The following PLA2R1 variants were observed in gnomAD, a reference collection of about 807,000 sequenced individuals.
PLA2R1 encodes phospholipase A2 receptor 1, also known as secretory phospholipase A2 receptor.
PLA2R1 carries 158 observed loss-of-function variants against 195.9 expected under a neutral mutation model. The observed-to-expected ratio is 0.81, with a 90% CI of 0.71 to 0.92. The LOEUF is 0.92. Among genes scored for constraint, PLA2R1 ranks in the 40% least tolerant of loss-of-function variants. The pLI is 0.00. For missense variants in PLA2R1, 1,626 were observed against 1,764.6 expected (o/e 0.92, Z 1.41); for synonymous variants, 586 against 598.2 (o/e 0.98, Z 0.30).
chr2:160,004,783 T>G (rs1178671769), intron 11 of PLA2R1, among the ~76,000 whole-genome samples: 1 of 152,112 alleles, frequency 6.6e-6, no homozygotes. Context: ...CTGGTTCTAG[T>G]GTAGGCTGTG....
intron 25 of PLA2R1, among the ~76,000 whole-genome samples, chr2:159,949,071 C>T (rs10929959): frequency 0.83 from 126,888 of 152,176 alleles, 57,224 homozygotes; most frequent in East Asian, 1. Context: ...AATATCACCA[C>T]CATCATTATT....
intron 25 of PLA2R1, 26 bp from the exon 26 acceptor site, chr2:159,947,585 T>G: frequency 7.5e-6 from 12 of 1,610,272 alleles, no homozygotes; most frequent in Non-Finnish European, 1.0e-5. Flanking sequence ...AGTTATGATT[T>G]CAGGGTGGTG....
rs752426024 is a variant in PLA2R1, at chr2:160,005,787, T to G, written c.1699A>C (p.Ser567Arg). Residue 567 changes from serine (S) to arginine (R), a missense_variant, in exon 11 of 30, where the codon AGT (serine) becomes CGT (arginine). Transcript: ENST00000283243. ...EQAFITSLIS[S>R]VVKMKDSYFW... Reference sequence around the variant, plus strand: ...TAACTGTCCTTCATTTTTACCACACTACTGATCAAACTGGTAATAAAAGCC... The same window carrying G: ...TAACTGTCCTTCATTTTTACCACACGACTGATCAAACTGGTAATAAAAGCC... 7 of 1,612,778 alleles carry G rather than the reference T, an allele frequency of 4.3e-6. No individual in the cohort carries two copies. The South Asian group carries it at 7.7e-5, about 18-fold the overall frequency.
chr2:159,937,575 T>C lies in PLA2R1; in HGVS notation c.*4203A>G, dbSNP rs1372667127. ...TAGAAATCTAAGATAAATCAAGCCT[T>C]GGGACTTTCTTCTGGATAACATAAG... On this transcript the variant is annotated 3_prime_UTR_variant, in exon 30 of 30. Transcript: ENST00000283243. 6.6e-6 allele frequency: 1 copy of C among 152,214 alleles called. No individual in the cohort carries two copies. Among genetic ancestry groups the C allele is most frequent in the Non-Finnish European group, 1.5e-5 (1 of 68,024 alleles). The allele number at this position is 152,214 out of a possible 1,614,324, so 9.4% of individuals were successfully genotyped here. A position where few individuals can be genotyped will look rare whatever the true frequency, so the allele number is the denominator to read the frequency against.
At chr2:159,944,586 C>T (rs1161074393) in intron 28 of PLA2R1, among the ~76,000 whole-genome samples, 25 of 152,094 alleles carry the variant, frequency 1.6e-4, no homozygotes. Flanking sequence ...TAGCAGTCAC[C>T]AGAATGAAGG....
At chr2:160,055,015 T>C (rs1311412253) in intron 1 of PLA2R1, among the ~76,000 whole-genome samples, 1 of 152,098 alleles carries the variant, frequency 6.6e-6, no homozygotes, top group Non-Finnish European at 1.5e-5. Context: ...GATTGTTAGG[T>C]CAAAGAAGGG....
In PLA2R1 at chr2:159,970,204, C is replaced by A. The variant is rs1689066262; in HGVS notation, c.2604G>T (p.Lys868Asn). ...FIHSKIKALS[K>N]YGASWWIGLQ... The stretch of plus-strand genomic sequence containing the variant: ...GTCCAATCCACCAACTTGCACCATA[C>A]TTTGATAGCTATTGAAAGAAAAAAA... Residue 868 changes from lysine to asparagine, a missense_variant, in exon 18 of 30, where the codon AAG becomes AAT. Lys to Asn is a moderately conservative substitution (Grantham distance 94, BLOSUM62 0). Coordinates refer to ENST00000283243, the MANE Select transcript of PLA2R1 (RefSeq NM_007366.5). 1 of 1,607,682 alleles carries A rather than the reference C, an allele frequency of 6.2e-7. No homozygotes were observed. The highest frequency in any genetic ancestry group is 1.7e-4 in the Middle Eastern group (1 of 6,048).
intron 10 of PLA2R1, among the ~76,000 whole-genome samples, chr2:160,012,966 T>A (rs564833911): frequency 2.0e-5 from 3 of 152,104 alleles, no homozygotes; most frequent in Non-Finnish European, 4.4e-5. Context: ...ATTTCCCATA[T>A]AAGCAGTTAG....
intron 17 of PLA2R1, among the ~76,000 whole-genome samples, chr2:159,975,728 C>T (rs1446804452): frequency 6.6e-6 from 1 of 151,932 alleles, no homozygotes; most frequent in Non-Finnish European, 1.5e-5. Context: ...GAATTTGGGT[C>T]TTTTTTAATC....
chr2:160,049,596 GGTGGCTCACACCT>G (rs1334550438), intron 1 of PLA2R1, among the ~76,000 whole-genome samples: 1 of 152,152 alleles, frequency 6.6e-6, no homozygotes, highest in African/African-American at 2.4e-5. Flanking sequence ...GGTGGGGCGT[GGTGGCTCACACCT>G]GTAATCCCAG....
At chr2:159,999,107 C>T (rs1427556629) in intron 11 of PLA2R1, among the ~76,000 whole-genome samples, 3 of 152,086 alleles carry the variant, frequency 2.0e-5, no homozygotes, top group African/African-American at 4.8e-5. Flanking sequence ...TTTTGCCTTT[C>T]CACCATGTGA....
chr2:159,992,771 A>G (rs1690914600), intron 11 of PLA2R1, among the ~76,000 whole-genome samples: 1 of 152,192 alleles, frequency 6.6e-6, no homozygotes, highest in South Asian at 2.1e-4. Flanking sequence ...ACTATACTAC[A>G]GGGCACTTTC....
intron 23 of PLA2R1, among the ~76,000 whole-genome samples, chr2:159,953,796 T>C (rs1165585699): frequency 6.6e-6 from 1 of 152,198 alleles, no homozygotes; most frequent in Non-Finnish European, 1.5e-5. Context: ...AATCATTGTG[T>C]TTAACTGAGA....
chr2:160,029,807 A>C (rs1273987861), intron 4 of PLA2R1, among the ~76,000 whole-genome samples: 2 of 152,218 alleles, frequency 1.3e-5, no homozygotes, highest in Admixed American at 1.3e-4. Flanking sequence ...AACATAATGA[A>C]AGTGGCAATT....
chr2:160,023,387 T>A (rs1167781486), intron 6 of PLA2R1, among the ~76,000 whole-genome samples: 2 of 152,178 alleles, frequency 1.3e-5, no homozygotes, highest in African/African-American at 2.4e-5. Context: ...TCCTCGCTGC[T>A]CATTATATGC....
intron 25 of PLA2R1, 31 bp downstream of exon 25, chr2:159,949,577 A>T: frequency 6.5e-7 from 1 of 1,541,178 alleles, no homozygotes; most frequent in African/African-American, 1.4e-5. Context: ...TAAATAAGGT[A>T]TATTTTTGAG....
rs560415631 is a variant in PLA2R1, at chr2:159,941,821, T to G, written c.4349A>C (p.Glu1450Ala). The G allele has an allele frequency of 1.4e-5, 22 of 1,611,324 alleles. No homozygotes were observed. The South Asian group carries it at 2.2e-4, about 16-fold the overall frequency. Residue 1450 changes from glutamate to alanine, a missense_variant, in exon 30 of 30, where the codon GAA (glutamate) becomes GCA (alanine). Transcript: ENST00000283243. The stretch of plus-strand genomic sequence containing the variant: ...AAGATCAGAAATGAGAATATTTTCT[T>G]CTAAATATACTGTACTAAAGTTGGT... ...PATNFSTVYL[E>A]ENILISDLEK...
intron 17 of PLA2R1, among the ~76,000 whole-genome samples, chr2:159,975,693 G>A (rs73002767): frequency 0.05 from 7,620 of 151,886 alleles, 314 homozygotes; most frequent in East Asian, 0.19. Context: ...CTTCCCAGAC[G>A]AGAATATAAA....
intron 10 of PLA2R1, among the ~76,000 whole-genome samples, chr2:160,010,349 G>T (rs547483787): frequency 6.6e-6 from 1 of 152,168 alleles, no homozygotes; most frequent in Non-Finnish European, 1.5e-5. Flanking sequence ...AAAAAATTTT[G>T]TAACAATCAG....
Sources: allele counts gnomAD v4.1 joint callset (sites outside exome capture counted in the v4.1 genomes callset), GRCh38; gene constraint gnomAD v4.1.1; transcripts MANE v1.5; gene names NCBI Gene and HGNC (gene_info 2026-07-23, HGNC 2026-07-21).